The following UPF1 variants were observed in gnomAD, a reference collection of about 807,000 sequenced individuals.
UPF1 encodes UPF1 RNA helicase and ATPase.
A neutral mutation model predicts 129.2 loss-of-function variants in UPF1; 9 were observed. The observed-to-expected ratio is 0.07, with a 90% CI of 0.04 to 0.12. UPF1 has a LOEUF of 0.12. Among genes scored for constraint, UPF1 ranks in the 10% least tolerant of loss-of-function variants. UPF1 has a pLI of 1.00. For missense variants in UPF1, 788 were observed against 1,525.3 expected (o/e 0.52, Z 8.05); for synonymous variants, 649 against 644.9 (o/e 1.01, Z -0.10).
At chr19:18,847,654 ATGT>A in intron 2 of UPF1, 87 bp from the exon 3 acceptor site, 9 of 1,267,348 alleles carry the variant, frequency 7.1e-6, no homozygotes, top group Non-Finnish European at 1.0e-5. Flanking sequence ...GAACTTAAAA[ATGT>A]TGTCAGAGGA....
At chr19:18,837,465 C>T (rs1289231751) in intron 1 of UPF1, among the ~76,000 whole-genome samples, 5 of 152,324 alleles carry the variant, frequency 3.3e-5, no homozygotes, top group Admixed American at 1.3e-4. Context: ...CGCAGGGCTG[C>T]GCCAAATGCT....
chr19:18,837,082 C>T (rs935889371), intron 1 of UPF1, among the ~76,000 whole-genome samples: 1 of 151,894 alleles, frequency 6.6e-6, no homozygotes, highest in Non-Finnish European at 1.5e-5. Context: ...GCTGAAAGTG[C>T]TACTTGGGTT....
At chr19:18,835,105 C>A (rs2055469691) in intron 1 of UPF1, among the ~76,000 whole-genome samples, 1 of 152,178 alleles carries the variant, frequency 6.6e-6, no homozygotes, top group Non-Finnish European at 1.5e-5. Context: ...CCCATCCGTC[C>A]TACCTCCACA....
intron 15 of UPF1, chr19:18,860,051 G>C (rs1394194222): frequency 9.4e-6 from 4 of 423,788 alleles, no homozygotes; most frequent in Non-Finnish European, 4.2e-6. Context: ...CTGCAAGAAA[G>C]CCCTGGCTGA....
chr19:18,860,826 G>A lies in UPF1; in HGVS notation c.2301G>A (p.Arg767=), dbSNP rs777259514. The A allele has an allele frequency of 8.7e-6, 14 of 1,612,340 alleles. No homozygotes were observed. Among genetic ancestry groups the A allele is most frequent in the Middle Eastern group, 1.7e-4 (1 of 6,004 alleles). ...IASSGTSYLN[R]TEAANVEKIT... is the part of the protein sequence containing the mutation. ...AGCACTGACAGCCTGGGTTTCTTAG[G>A]ACCGAGGCTGCGAACGTGGAGAAGA... Residue 767 remains arginine, a splice_region_variant and synonymous_variant, in exon 17 of 24, where the codon AGG becomes AGA. Coordinates refer to ENST00000262803, the MANE Select transcript of UPF1 (RefSeq NM_002911.4).
chr19:18,855,745 G>A (rs983231082), intron 11 of UPF1, 180 bp from the exon 12 acceptor site: 43 of 837,548 alleles, frequency 5.1e-5, no homozygotes, highest in Non-Finnish European at 6.8e-5. Context: ...CTACTCAGGA[G>A]GCTGAGGTGG....
At position 18,865,049 on chromosome 19, in the gene UPF1, T is replaced by C. The variant is rs1452334656; in HGVS notation, c.2858-240T>C. On this transcript the variant is annotated intron_variant, in intron 20 of 23. Transcript: ENST00000262803. The surrounding 1 kb of genome is among the most constrained non-coding windows in gnomAD (Gnocchi z 6.1). ...CACGCCCGGCCCCAATTTTCAGTTT[T>C]TAAGATCTGTGTAGGCCAATGATTC... is the stretch of plus-strand genomic sequence containing the variant. Among the ~76,000 whole-genome samples the C allele has an allele frequency of 6.6e-6, 1 of 152,222 alleles. No individual in the cohort carries two copies. Among genetic ancestry groups the C allele is most frequent in the Non-Finnish European group, 1.5e-5 (1 of 68,038 alleles).
chr19:18,851,075 C>G lies in UPF1; in HGVS notation c.810+207C>G, dbSNP rs2055653732. On this transcript the variant is annotated intron_variant, in intron 5 of 23. Transcript: ENST00000262803. The surrounding 1 kb of genome is among the most constrained non-coding windows in gnomAD (Gnocchi z 4.2). Reference sequence around the variant, plus strand: ...GCAGCCTTACCTGACCGAGAAGATCCTGGCCTTGGGGAAAGGAAAGCTCTG... The same window carrying G: ...GCAGCCTTACCTGACCGAGAAGATCGTGGCCTTGGGGAAAGGAAAGCTCTG... 5 of 517,030 alleles carry G rather than the reference C, an allele frequency of 9.7e-6. No homozygotes were observed. The East Asian group carries it at 1.8e-4, about 18-fold the overall frequency. 32.0% of individuals were successfully genotyped at this position (517,030 alleles called of 1,614,324 possible). A position where few individuals can be genotyped will look rare whatever the true frequency, so the allele number is the denominator to read the frequency against.
Position 18,865,848 on chromosome 19 carries a change from A to C in UPF1, c.3237+70A>C. The C allele has an allele frequency of 6.3e-7, 1 of 1,598,676 alleles. No individual in the cohort carries two copies. The highest frequency in any genetic ancestry group is 8.5e-7 in the Non-Finnish European group (1 of 1,174,338). ...CTATGCACCTGAAACATTCCCTCTG[A>C]AGAGCCCCAGAGAGCTGGCCTGGCC... is the stretch of plus-strand genomic sequence containing the variant. On this transcript the variant is annotated intron_variant, in intron 22 of 23. Coordinates refer to ENST00000262803, the MANE Select transcript of UPF1 (RefSeq NM_002911.4). The surrounding 1 kb of genome is among the most constrained non-coding windows in gnomAD (Gnocchi z 6.1).
intron 15 of UPF1, chr19:18,859,974 C>T (rs892212970): frequency 1.4e-5 from 3 of 220,924 alleles, no homozygotes; most frequent in East Asian, 1.2e-4. Flanking sequence ...GCTGTGGCGC[C>T]TTTAAGGCAA....
chr19:18,862,172 C>A lies in UPF1; in HGVS notation c.2600+20C>A. On this transcript the variant is annotated intron_variant, in intron 18 of 23. Transcript: ENST00000262803. ...AGCAAGGTAGGGAGGCTGCCTGCTG[C>A]ATGCTGCCCAGCCGCTCATCGGTCC... The A allele has an allele frequency of 6.2e-7, 1 of 1,610,836 alleles. No individual in the cohort carries two copies.
chr19:18,860,195 A>T, intron 15 of UPF1, 126 bp from the exon 16 acceptor site: 2 of 998,630 alleles, frequency 2.0e-6, no homozygotes, highest in Admixed American at 1.9e-5. Flanking sequence ...CCAGGGCCTC[A>T]CAGATCGAAG....
rs539071728 is a variant in UPF1, at chr19:18,861,137, C to T, written c.2457+155C>T. ...GCCCACCCTCTGGGGAGGGCACAGA[C>T]AGCACATCCCCACAGACCCTGCGAA... On this transcript the variant is annotated intron_variant, in intron 17 of 23. Coordinates refer to ENST00000262803, the MANE Select transcript of UPF1 (RefSeq NM_002911.4). Among the ~76,000 whole-genome samples, 11 of 152,366 alleles carry T rather than the reference C, an allele frequency of 7.2e-5. No homozygotes were observed. The South Asian group carries it at 2.3e-3, about 32-fold the overall frequency.
At chr19:18,839,524 C>G (rs1350129858) in intron 1 of UPF1, among the ~76,000 whole-genome samples, 1 of 152,230 alleles carries the variant, frequency 6.6e-6, no homozygotes, top group Non-Finnish European at 1.5e-5. Context: ...TTGTCAGACC[C>G]TGTGCTCATG....
At position 18,853,819 on chromosome 19, in the gene UPF1, C is replaced by T. The variant is rs916778756; in HGVS notation, c.1156+469C>T. On this transcript the variant is annotated intron_variant, in intron 8 of 23. Transcript: ENST00000262803. This position sits in a 1 kb window ranked among gnomAD's most constrained non-coding sequence, Gnocchi z 4.4. ...GTGACCTCATGGTGATGCAGCCTGCCGGCCAGAGTGGGGCAGCTGTAAGGC... is the reference window on the plus strand; with the variant it reads ...GTGACCTCATGGTGATGCAGCCTGCTGGCCAGAGTGGGGCAGCTGTAAGGC... Among the ~76,000 whole-genome samples the T allele has an allele frequency of 1.3e-5, 2 of 152,190 alleles. No homozygotes were observed. The highest frequency in any genetic ancestry group is 1.5e-5 in the Non-Finnish European group (1 of 68,032).
intron 3 of UPF1, chr19:18,849,695 CGG>C: frequency 2.8e-5 from 6 of 216,954 alleles, no homozygotes; most frequent in South Asian, 1.1e-4. Context: ...AAGATGGTGG[CGG>C]GGGTTGACCT....
At chr19:18,863,364 G>T in intron 18 of UPF1, 74 bp from the exon 19 acceptor site, 1 of 1,558,792 alleles carries the variant, frequency 6.4e-7, no homozygotes, top group South Asian at 1.2e-5. Flanking sequence ...AGTGAATGCA[G>T]CCTTGCCTCT....
Position 18,853,867 on chromosome 19 carries a change from G to C in UPF1, c.1156+517G>C, listed in dbSNP as rs1022924697. On this transcript the variant is annotated intron_variant, in intron 8 of 23. Transcript: ENST00000262803. The surrounding 1 kb of genome is among the most constrained non-coding windows in gnomAD (Gnocchi z 4.4). Reference sequence around the variant, plus strand: ...GGCACAGGTGCAGTCAGAGGCTTGGGTGGGGAGGAGTCCTGGGAGAAGACA... The same window carrying C: ...GGCACAGGTGCAGTCAGAGGCTTGGCTGGGGAGGAGTCCTGGGAGAAGACA... 2.6e-5 allele frequency among the ~76,000 whole-genome samples: 4 copies of C among 152,200 alleles called. No homozygotes were observed. Among genetic ancestry groups the C allele is most frequent in the Non-Finnish European group, 5.9e-5 (4 of 68,046 alleles).
Position 18,853,379 on chromosome 19 carries a change from G to A in UPF1, c.1156+29G>A, listed in dbSNP as rs777802333. 13 of 1,567,502 alleles carry A rather than the reference G, an allele frequency of 8.3e-6. No homozygotes were observed. The Admixed American group carries it at 1.2e-4, about 14-fold the overall frequency. On this transcript the variant is annotated intron_variant, in intron 8 of 23. Coordinates refer to ENST00000262803, the MANE Select transcript of UPF1 (RefSeq NM_002911.4). The surrounding 1 kb of genome is among the most constrained non-coding windows in gnomAD (Gnocchi z 4.4). ...TCCTTCATGTGAAGAGGGTGTGGCC[G>A]GCTGGTGGGAGAGGAAAGTGGGGGC... is the stretch of plus-strand genomic sequence containing the variant.
Sources: allele counts gnomAD v4.1 joint callset (sites outside exome capture counted in the v4.1 genomes callset), GRCh38; gene constraint gnomAD v4.1.1; non-coding constraint Gnocchi (gnomAD v3.1); transcripts MANE v1.5; gene names NCBI Gene and HGNC (gene_info 2026-07-23, HGNC 2026-07-21).